Variants in NDUFAF5 observed in about 807,000 individuals in gnomAD.
The protein encoded by NDUFAF5 is arginine-hydroxylase NDUFAF5, mitochondrial.
A neutral mutation model predicts 48.9 loss-of-function variants in NDUFAF5; 34 were observed. The ratio of observed to expected loss-of-function variants is 0.70; its 90% CI spans 0.53 to 0.93. The LOEUF (loss-of-function observed/expected upper bound fraction) is 0.93, where lower values mean the gene tolerates loss of function less well. NDUFAF5 is among the 40% of genes least tolerant of loss of function. The pLI is 0.00. For synonymous variants in NDUFAF5, 153 were observed against 150.6 expected (o/e 1.02, Z -0.12); for missense variants, 428 against 427.5 (o/e 1.00, Z -0.01).
At chr20:13,809,930 G>T (rs900615494) in intron 8 of NDUFAF5, among the ~76,000 whole-genome samples, 3 of 152,272 alleles carry the variant, frequency 2.0e-5, no homozygotes, top group Middle Eastern at 3.4e-3. Context: ...ATAGAGAGAT[G>T]GTGTCCTTCA....
intron 8 of NDUFAF5, chr20:13,813,964 G>C (rs1015973982): frequency 1.3e-5 from 2 of 157,858 alleles, no homozygotes; most frequent in African/African-American, 4.8e-5. Context: ...GAGAAAATGA[G>C]ATACATTTGT....
rs111662922 is a variant in NDUFAF5, at chr20:13,801,407, T to C, written c.520-79T>C. The C allele has an allele frequency of 1.8e-4, 157 of 885,678 alleles. 2 individuals carry two copies. The African/African-American group carries it at 2.1e-3, about 12-fold the overall frequency. The allele number at this position is 885,678 out of a possible 1,614,324, so 54.9% of individuals were successfully genotyped here. On this transcript the variant is annotated intron_variant, in intron 6 of 10. Transcript: ENST00000378106. ...AAAAGTGGTTGTCATAAAATGTTAATTTAGACACTATATATTTATTTTTTA... is the reference window on the plus strand; with the variant it reads ...AAAAGTGGTTGTCATAAAATGTTAACTTAGACACTATATATTTATTTTTTA...
chr20:13,811,545 A>G (rs1430780554), intron 8 of NDUFAF5, among the ~76,000 whole-genome samples: 2 of 152,178 alleles, frequency 1.3e-5, no homozygotes, highest in African/African-American at 4.8e-5. Context: ...GATGTCAGAC[A>G]GCAAGCAGGA....
At chr20:13,799,378 C>T (rs758220815) in intron 6 of NDUFAF5, among the ~76,000 whole-genome samples, 5 of 152,120 alleles carry the variant, frequency 3.3e-5, no homozygotes, top group Non-Finnish European at 5.9e-5. Flanking sequence ...AATAGCTCTG[C>T]GAGATGTATT....
At chr20:13,788,687 A>G (rs773169388) in intron 3 of NDUFAF5, 35 bp downstream of exon 3, 3 of 1,377,724 alleles carry the variant, frequency 2.2e-6, no homozygotes, top group East Asian at 4.6e-5. Context: ...TACTTTGAAA[A>G]GTAACATTGG....
intron 4 of NDUFAF5, among the ~76,000 whole-genome samples, chr20:13,794,251 C>T (rs1198149283): frequency 1.3e-5 from 2 of 151,736 alleles, no homozygotes; most frequent in African/African-American, 2.4e-5. Context: ...TCTAGTACTT[C>T]GGTTGTTTCA....
intron 8 of NDUFAF5, chr20:13,814,555 TTTTAG>T: frequency 1.8e-5 from 18 of 1,016,854 alleles, no homozygotes; most frequent in Non-Finnish European, 2.4e-5. Flanking sequence ...TCAGTATTGT[TTTTAG>T]TAAACTGTAA....
At chr20:13,806,441 G>A (rs1037175218) in intron 7 of NDUFAF5, among the ~76,000 whole-genome samples, 3 of 152,052 alleles carry the variant, frequency 2.0e-5, no homozygotes, top group Non-Finnish European at 4.4e-5. Context: ...CCTGGGAGGC[G>A]GAGGTTGCAG....
chr20:13,795,792 G>A (rs978458169), intron 5 of NDUFAF5, among the ~76,000 whole-genome samples: 13 of 152,246 alleles, frequency 8.5e-5, no homozygotes, highest in South Asian at 2.1e-4. Context: ...GCACTCTAGC[G>A]TGGGTGACAA....
intron 5 of NDUFAF5, among the ~76,000 whole-genome samples, chr20:13,795,867 T>C (rs1037727855): frequency 1.4e-4 from 21 of 152,182 alleles, no homozygotes; most frequent in Non-Finnish European, 2.9e-4. Context: ...GATTACTCTT[T>C]TCCCTTTATG....
chr20:13,814,754 G>A (rs944924436), intron 8 of NDUFAF5, among the ~76,000 whole-genome samples: 1 of 152,140 alleles, frequency 6.6e-6, no homozygotes, highest in Non-Finnish European at 1.5e-5. Flanking sequence ...GCATTAGGAG[G>A]TGTTACTCTT....
At chr20:13,791,481 ACT>A (rs1263106579) in intron 3 of NDUFAF5, among the ~76,000 whole-genome samples, 4 of 152,092 alleles carry the variant, frequency 2.6e-5, no homozygotes, top group Non-Finnish European at 4.4e-5. Flanking sequence ...AAATAGGTAA[ACT>A]CTCTGAGGCA....
rs369277594 is a variant in NDUFAF5, at chr20:13,785,182, C to T, written c.114C>T (p.Ser38=). 2 of 1,613,768 alleles carry T rather than the reference C, an allele frequency of 1.2e-6. No homozygotes were observed. Among genetic ancestry groups the T allele is most frequent in the African/African-American group, 2.7e-5 (2 of 74,948 alleles). The change falls in exon 1 of 11, where the codon AGC becomes AGT. Residue 38 remains serine, a synonymous_variant. Coordinates refer to ENST00000378106, the MANE Select transcript of NDUFAF5 (RefSeq NM_024120.5). ...CCTCTGGTGTCTCTCCCCGCGGTAG[C>T]ACCTCGCCCAGAACCCTGAATATTT... ...EVTSGVSPRG[S]TSPRTLNIFD...
chr20:13,794,889 G>C lies in NDUFAF5; in HGVS notation c.427G>C (p.Glu143Gln), dbSNP rs1982936315. Reference protein sequence around the residue: ...IPTVSVLADEEFLPFKENTFD... With the variant: ...IPTVSVLADEQFLPFKENTFD... The stretch of plus-strand genomic sequence containing the variant: ...TACTGTCAGCGTTTTAGCTGATGAA[G>C]AATTCCTTCCCTTCAAAGAAAATAC... Residue 143 changes from glutamate to glutamine, a missense_variant, in exon 5 of 11, where the codon GAA becomes CAA. By Grantham distance (29) the Glu-to-Gln change is conservative. Transcript: ENST00000378106. 1.2e-5 allele frequency: 19 copies of C among 1,613,834 alleles called. No homozygotes were observed. Among genetic ancestry groups the C allele is most frequent in the Non-Finnish European group, 1.6e-5 (19 of 1,179,730 alleles).
In NDUFAF5 at chr20:13,820,514, T is replaced by G. The variant is rs1017429926; in HGVS notation, c.*3304T>G. On this transcript the variant is annotated 3_prime_UTR_variant, in exon 11 of 11. Coordinates refer to ENST00000378106, the MANE Select transcript of NDUFAF5 (RefSeq NM_024120.5). ...TTTGAGACCAGCTTGGGCAACGTGA[T>G]GAAACCCTGTCTCTACAAATAAAAA... The G allele has an allele frequency of 2.6e-5, 4 of 151,850 alleles. No individual in the cohort carries two copies. The highest frequency in any genetic ancestry group is 5.9e-5 in the Non-Finnish European group (4 of 68,024). 9.4% of individuals were successfully genotyped at this position (151,850 alleles called of 1,614,324 possible).
chr20:13,787,151 A>T, intron 1 of NDUFAF5, 161 bp from the exon 2 acceptor site: 1 of 767,656 alleles, frequency 1.3e-6, no homozygotes, highest in Admixed American at 2.1e-5. Flanking sequence ...AATTTGCCTC[A>T]ATTTTGTTTC....
At chr20:13,793,448 A>G (rs990603527) in intron 4 of NDUFAF5, among the ~76,000 whole-genome samples, 1 of 152,170 alleles carries the variant, frequency 6.6e-6, no homozygotes, top group African/African-American at 2.4e-5. Context: ...ATTTGCAGAC[A>G]TATAACTGTC....
At chr20:13,798,523 A>G in intron 6 of NDUFAF5, 23 bp downstream of exon 6, 1 of 1,563,846 alleles carries the variant, frequency 6.4e-7, no homozygotes, top group Non-Finnish European at 8.8e-7. Context: ...ATGTTCATTC[A>G]ACTATCTTGT....
chr20:13,799,702 A>G (rs1330321029), intron 6 of NDUFAF5, among the ~76,000 whole-genome samples: 1 of 136,198 alleles, frequency 7.3e-6, no homozygotes, highest in Non-Finnish European at 1.6e-5. Context: ...CTGTCTCAAA[A>G]AAAAAAAAAA....
Sources: gnomAD v4.1 joint callset for allele counts (sites outside exome capture counted in the v4.1 genomes callset) on GRCh38, gnomAD v4.1.1 for gene constraint, MANE v1.5 for transcripts, NCBI Gene and HGNC (gene_info 2026-07-23, HGNC 2026-07-21) for gene names.